PFKP: variants seen among roughly 807,000 people sequenced by gnomAD.
PFKP encodes phosphofructokinase, platelet, also known as ATP-dependent 6-phosphofructokinase, platelet type.
Under a neutral mutation model 94.3 loss-of-function variants are expected in PFKP, and 101 were observed. That is an observed-to-expected ratio of 1.07 (90% CI 0.91 to 1.26). The LOEUF (loss-of-function observed/expected upper bound fraction) is 1.26. Ranked by LOEUF, PFKP falls within the 50% of genes most tolerant of loss-of-function variation. The pLI is 0.00. For synonymous variants in PFKP, 573 were observed against 432.6 expected, an observed-to-expected ratio of 1.32 and a Z score of -4.03; for missense variants, 1,145 against 1,103.3, an observed-to-expected ratio of 1.04 and a Z score of -0.53.
intron 21 of PFKP, 36 bp from the exon 22 acceptor site, chr10:3,136,414 T>G (rs754574201): frequency 3.1e-6 from 5 of 1,610,492 alleles, no homozygotes; most frequent in Non-Finnish European, 4.2e-6. Context: ...CGCCAGTGAC[T>G]GCAGGCCTCA....
chr10:3,128,141 C>T (rs1345681989), intron 16 of PFKP, among the ~76,000 whole-genome samples: 1 of 152,180 alleles, frequency 6.6e-6, no homozygotes, highest in Non-Finnish European at 1.5e-5. Context: ...TTATGTCATT[C>T]AGAGACAAGC....
chr10:3,121,821 TTTTTTTTTTC>T lies in PFKP; in HGVS notation c.1683+1785_1683+1794del, dbSNP rs1420065029. Among the ~76,000 whole-genome samples the T allele has an allele frequency of 2.8e-4, 16 of 58,158 alleles. 2 individuals carry two copies. The highest frequency in any genetic ancestry group is 7.7e-4 in the Admixed American group (4 of 5,164). 38.2% of individuals were successfully genotyped at this position (58,158 alleles called of 152,430 possible). The stretch of plus-strand genomic sequence containing the variant: ...TTTTTTTCTTTTTTTTTTTTTTTTT[TTTTTTTTTTC>T]TTTTTTTGGAGACAGGGCCTCACTC... On this transcript the variant is annotated intron_variant, in intron 16 of 21. Coordinates refer to ENST00000381125, the MANE Select transcript of PFKP (RefSeq NM_002627.5).
intron 16 of PFKP, among the ~76,000 whole-genome samples, chr10:3,120,892 T>G (rs576867215): frequency 2.0e-5 from 3 of 152,184 alleles, no homozygotes; most frequent in African/African-American, 7.2e-5. Flanking sequence ...AGTTTGAAGA[T>G]CCGTACCTAA....
intron 13 of PFKP, among the ~76,000 whole-genome samples, chr10:3,113,964 A>C (rs1056523127): frequency 2.0e-5 from 3 of 152,078 alleles, no homozygotes; most frequent in Admixed American, 2.0e-4. Flanking sequence ...TGTGGGATTG[A>C]CATGTGTTCA....
chr10:3,090,711 G>T (rs1234598804), intron 2 of PFKP, among the ~76,000 whole-genome samples: 2 of 152,146 alleles, frequency 1.3e-5, no homozygotes, highest in Non-Finnish European at 2.9e-5. Context: ...CCATAGTCAT[G>T]ACAGTCAAAG....
chr10:3,088,016 T>A (rs1255740222), intron 2 of PFKP, among the ~76,000 whole-genome samples: 18 of 140,570 alleles, frequency 1.3e-4, no homozygotes, highest in African/African-American at 4.2e-4. Context: ...TACATTATAC[T>A]TTAAGTTCTA....
chr10:3,113,428 A>C lies in PFKP; in HGVS notation c.1281A>C (p.Ala427=). ...GGGCACCCGCGGCTGGGATGAACGC[A>C]GCCGTACGCTCAGCTGTGCGCGTGG... ...NVGAPAAGMN[A]AVRSAVRVGI... is the part of the protein sequence containing the mutation. The change falls in exon 13 of 22, where the codon GCA becomes GCC. Residue 427 remains alanine, a synonymous_variant. Coordinates refer to ENST00000381125, the MANE Select transcript of PFKP (RefSeq NM_002627.5). The C allele has an allele frequency of 1.2e-6, 2 of 1,606,350 alleles. No homozygotes were observed. Among genetic ancestry groups the C allele is most frequent in the Non-Finnish European group, 1.7e-6 (2 of 1,175,570 alleles).
intron 4 of PFKP, 40 bp downstream of exon 4, chr10:3,101,594 C>T (rs1157379212): frequency 2.1e-6 from 3 of 1,411,162 alleles, no homozygotes; most frequent in African/African-American, 2.9e-5. Flanking sequence ...GGGTTTTCGC[C>T]CTGTTTCAGA....
chr10:3,075,747 A>G (rs543834739), intron 1 of PFKP, among the ~76,000 whole-genome samples: 1 of 150,938 alleles, frequency 6.6e-6, no homozygotes, highest in Non-Finnish European at 1.5e-5. Flanking sequence ...TACAAAAAAT[A>G]CAAAACAATT....
chr10:3,082,036 C>G (rs1365742065), intron 1 of PFKP, among the ~76,000 whole-genome samples: 1 of 115,358 alleles, frequency 8.7e-6, no homozygotes, highest in Non-Finnish European at 1.6e-5. Flanking sequence ...ATGTGATACT[C>G]CATTTTTCAT....
intron 16 of PFKP, among the ~76,000 whole-genome samples, chr10:3,122,163 G>A (rs186812620): frequency 5.5e-4 from 83 of 152,278 alleles, no homozygotes; most frequent in East Asian, 9.7e-4. Context: ...GAACTGGAGC[G>A]TGTAGTTAGT....
intron 1 of PFKP, among the ~76,000 whole-genome samples, chr10:3,068,307 G>T (rs919219407): frequency 6.6e-6 from 1 of 152,194 alleles, no homozygotes; most frequent in African/African-American, 2.4e-5. Flanking sequence ...TGCGGGACGC[G>T]GCGGGGGTGC....
chr10:3,105,845 T>C (rs1227364488), intron 7 of PFKP, among the ~76,000 whole-genome samples: 1 of 152,168 alleles, frequency 6.6e-6, no homozygotes, highest in African/African-American at 2.4e-5. Context: ...GGTCTTTAAT[T>C]TGGGGCTTAA....
chr10:3,067,821 C>A, intron 1 of PFKP, 114 bp downstream of exon 1: 1 of 437,598 alleles, frequency 2.3e-6, no homozygotes, highest in Non-Finnish European at 3.9e-6. Context: ...GGGGGGGACC[C>A]GGGGAAAGGT....
At chr10:3,078,638 G>T (rs1832787716) in intron 1 of PFKP, among the ~76,000 whole-genome samples, 1 of 152,206 alleles carries the variant, frequency 6.6e-6, no homozygotes, top group Non-Finnish European at 1.5e-5. Flanking sequence ...TAAGACTAGG[G>T]TTTACACTAC....
intron 16 of PFKP, among the ~76,000 whole-genome samples, chr10:3,124,355 CTT>C (rs1046285084): frequency 6.6e-6 from 1 of 152,218 alleles, no homozygotes; most frequent in Admixed American, 6.5e-5. Flanking sequence ...CCTGCTGTGA[CTT>C]TGGTTAACAC....
chr10:3,080,597 GAAAT>G (rs1297085970), intron 1 of PFKP, among the ~76,000 whole-genome samples: 1 of 149,422 alleles, frequency 6.7e-6, no homozygotes, highest in Non-Finnish European at 1.5e-5. Context: ...AGTGTAGAAA[GAAAT>G]AACAAGTGTG....
At chr10:3,135,285 C>CAGTCT (rs1260296395) in intron 20 of PFKP, among the ~76,000 whole-genome samples, 1 of 152,088 alleles carries the variant, frequency 6.6e-6, no homozygotes, top group Non-Finnish European at 1.5e-5. Context: ...AGAAAAATGA[C>CAGTCT]AGTCTATAAA....
intron 2 of PFKP, among the ~76,000 whole-genome samples, chr10:3,089,554 G>A (rs1015027531): frequency 7.2e-5 from 11 of 151,858 alleles, no homozygotes; most frequent in Non-Finnish European, 1.5e-4. Flanking sequence ...AGGGTAAGTA[G>A]CATATCCATC....
Sources: allele counts gnomAD v4.1 joint callset (sites outside exome capture counted in the v4.1 genomes callset), GRCh38; gene constraint gnomAD v4.1.1; transcripts MANE v1.5; gene names NCBI Gene and HGNC (gene_info 2026-07-23, HGNC 2026-07-21).